NCAPD2: variants seen among roughly 807,000 people sequenced by gnomAD.
NCAPD2 encodes the protein condensin complex subunit 1.
NCAPD2 carries 100 observed loss-of-function variants against 164.5 expected under a neutral mutation model. The ratio of observed to expected loss-of-function variants is 0.61; its 90% confidence interval spans 0.52 to 0.72. NCAPD2 has a LOEUF of 0.72. Among genes scored for constraint, NCAPD2 ranks in the 30% least tolerant of loss-of-function variants. The pLI is 0.00. For synonymous variants in NCAPD2, 585 were observed against 642.6 expected, an observed-to-expected ratio of 0.91 and a Z score of 1.36; for missense variants, 1,560 against 1,749.2, an observed-to-expected ratio of 0.89 and a Z score of 1.93.
At chr12:6,519,834 C>T (rs1262529263) in intron 13 of NCAPD2, among the ~76,000 whole-genome samples, 1 of 151,294 alleles carries the variant, frequency 6.6e-6, no homozygotes, top group African/African-American at 2.4e-5. Context: ...CTCCGCTACA[C>T]TCTACCCTGG....
chr12:6,509,402 C>G (rs1048089219), intron 2 of NCAPD2, among the ~76,000 whole-genome samples: 1 of 152,156 alleles, frequency 6.6e-6, no homozygotes, highest in African/African-American at 2.4e-5. Flanking sequence ...GCTGGGATTA[C>G]AGGCGCCTGC....
At position 6,531,693 on chromosome 12, in the gene NCAPD2, T is replaced by G. The variant is rs1303961783; in HGVS notation, c.*281T>G. On this transcript the variant is annotated 3_prime_UTR_variant, in exon 32 of 32. Transcript: ENST00000315579. This position sits in a 1 kb window ranked among gnomAD's most constrained non-coding sequence, Gnocchi z 4.1. ...ATTGGCGTGCGCCTGTAATCCCAGC[T>G]ACTCAAGAGGCTGAGGCAGGAGAAT... 1 of 422,684 alleles carries G rather than the reference T, an allele frequency of 2.4e-6. No individual in the cohort carries two copies. Among genetic ancestry groups the G allele is most frequent in the African/African-American group, 2.0e-5 (1 of 48,786 alleles). 26.2% of individuals were successfully genotyped at this position (422,684 alleles called of 1,614,324 possible).
At chr12:6,494,982 C>G in intron 1 of NCAPD2, 94 bp from the exon 2 acceptor site, 2 of 1,282,670 alleles carry the variant, frequency 1.6e-6, no homozygotes, top group East Asian at 2.4e-5. Flanking sequence ...AAACTAAAAG[C>G]CATTATATAT....
Position 6,517,866 on chromosome 12 carries a change from G to A in NCAPD2, c.1496G>A (p.Gly499Glu). 6.2e-7 allele frequency: 1 copy of A among 1,614,186 alleles called. No individual in the cohort carries two copies. The highest frequency in any genetic ancestry group is 8.5e-7 in the Non-Finnish European group (1 of 1,180,036). The change falls in exon 13 of 32, where the codon GGA becomes GAA. Residue 499 changes from glycine (G) to glutamate (E), a missense_variant. By Grantham distance (98) the Gly-to-Glu change is moderately conservative. Coordinates refer to ENST00000315579, the MANE Select transcript of NCAPD2 (RefSeq NM_014865.4). ...CAGCAGCTTCTACAGCTTCCCCAGG[G>A]AGAGGAGGAGATTCCTGAGCAAATT... ...TLQQLLQLPQGEEEIPEQIAN... is the reference protein window; with the variant it reads ...TLQQLLQLPQEEEEIPEQIAN...
At chr12:6,496,950 T>C (rs1167239377) in intron 2 of NCAPD2, among the ~76,000 whole-genome samples, 1 of 152,204 alleles carries the variant, frequency 6.6e-6, no homozygotes, top group Non-Finnish European at 1.5e-5. Context: ...ATTTTTCAGC[T>C]GTATTATATT....
In NCAPD2 at chr12:6,529,867, G is replaced by A; in HGVS notation, c.3746G>A (p.Cys1249Tyr). The change falls in exon 29 of 32, where the codon TGT (cysteine) becomes TAT (tyrosine). Residue 1249 changes from cysteine to tyrosine, a missense_variant. Cys to Tyr is a radical substitution (Grantham distance 194, BLOSUM62 -2). Coordinates refer to ENST00000315579, the MANE Select transcript of NCAPD2 (RefSeq NM_014865.4). Reference protein sequence around the residue: ...GLRKMLDNFDCFGDKLSDESI... With the variant: ...GLRKMLDNFDYFGDKLSDESI... ...CGTAAGATGCTTGACAATTTTGACT[G>A]TTTTGGAGACAAACTGTCAGATGAG... 2 of 1,614,262 alleles carry A rather than the reference G, an allele frequency of 1.2e-6. No individual in the cohort carries two copies. The highest frequency in any genetic ancestry group is 1.1e-5 in the South Asian group (1 of 91,090).
chr12:6,495,052 A>C (rs1945963030), intron 1 of NCAPD2, 24 bp from the exon 2 acceptor site: 1 of 1,611,762 alleles, frequency 6.2e-7, no homozygotes, highest in African/African-American at 1.3e-5. Context: ...ATAGACCCTG[A>C]CTTTTTCACT....
intron 22 of NCAPD2, among the ~76,000 whole-genome samples, chr12:6,527,541 T>A (rs1946328484): frequency 6.6e-6 from 1 of 152,262 alleles, no homozygotes; most frequent in Admixed American, 6.5e-5. Flanking sequence ...TAGGAAACGA[T>A]GTCTTCCATG....
chr12:6,518,504 G>GTTTTTGTGT (rs746627585), intron 13 of NCAPD2, among the ~76,000 whole-genome samples: 1 of 44,774 alleles, frequency 2.2e-5, no homozygotes, highest in Non-Finnish European at 3.9e-5. Context: ...CCGTCAACAA[G>GTTTTTGTGT]TTTTTTTTTT....
chr12:6,517,281 A>C (rs954668609), intron 10 of NCAPD2, 84 bp from the exon 11 acceptor site: 2 of 1,546,658 alleles, frequency 1.3e-6, no homozygotes, highest in Non-Finnish European at 1.7e-6. Context: ...TGGGTAGCTC[A>C]GTTTAGAGTA....
rs759838150 is a variant in NCAPD2, at chr12:6,526,361, A to G, written c.2556A>G (p.Thr852=). Residue 852 remains threonine (T), a synonymous_variant, in exon 20 of 32, where the codon ACA becomes ACG. Transcript: ENST00000315579. ...EHRLFERLRE[T]VTKGFVHPDP... ...GGTTGTTTGAGCGACTGCGGGAGAC[A>G]GTCACAAAAGGTGAGCTCTCAGGGA... The G allele has an allele frequency of 1.5e-5, 24 of 1,614,020 alleles. 1 individual carries two copies. In the South Asian group the frequency reaches 2.4e-4, roughly 16 times the overall value.
chr12:6,509,537 C>G (rs1229317586), intron 2 of NCAPD2, among the ~76,000 whole-genome samples, 180 bp from the exon 3 acceptor site: 1 of 152,178 alleles, frequency 6.6e-6, no homozygotes, highest in Non-Finnish European at 1.5e-5. Flanking sequence ...GCTGGGATTA[C>G]AGGCGTGAGC....
At chr12:6,504,819 A>G (rs1478040708) in intron 2 of NCAPD2, among the ~76,000 whole-genome samples, 1 of 152,214 alleles carries the variant, frequency 6.6e-6, no homozygotes, top group Non-Finnish European at 1.5e-5. Context: ...TATCGACACC[A>G]TAAGTTTACA....
In NCAPD2 at chr12:6,528,422, T is replaced by C; in HGVS notation, c.3299+94T>C. ...AATCACCAGGGCTCTTCCCCTAGGC[T>C]TTGGCATCACCGCGAACATCTGCTT... On this transcript the variant is annotated intron_variant, in intron 25 of 31. Transcript: ENST00000315579. This position sits in a 1 kb window ranked among gnomAD's most constrained non-coding sequence, Gnocchi z 5.1. The C allele has an allele frequency of 6.5e-7, 1 of 1,538,568 alleles. No individual in the cohort carries two copies. Among genetic ancestry groups the C allele is most frequent in the Non-Finnish European group, 8.9e-7 (1 of 1,119,644 alleles).
chr12:6,527,813 G>A lies in NCAPD2; in HGVS notation c.2944G>A (p.Gly982Arg). 2 of 1,613,764 alleles carry A rather than the reference G, an allele frequency of 1.2e-6. No individual in the cohort carries two copies. The highest frequency in any genetic ancestry group is 1.1e-5 in the South Asian group (1 of 91,060). Residue 982 changes from glycine to arginine, a missense_variant, in exon 23 of 32, where the codon GGG (glycine) becomes AGG (arginine). Transcript: ENST00000315579. ...TGAGACCACCATGGAGGAGGAGCTG[G>A]GGCTGGTTGGGGCAACAGCAGATGA... The part of the protein sequence containing the change: ...SSETTMEEEL[G>R]LVGATADDTE...
rs1325388960 is a variant in NCAPD2, at chr12:6,517,008, C to T, written c.1168C>T (p.Arg390Ter). Residue 390 changes from arginine to a stop codon, truncating the protein, a stop_gained, in exon 10 of 32, where the codon CGA becomes TGA. Transcript: ENST00000315579. LOFTEE classifies it high-confidence loss of function. The stretch of plus-strand genomic sequence containing the variant: ...GAGCCGTGTTTTGCAGCTCTTCACC[C>T]GAATTGTCCAGCAGAAGGTAACCAA... Reference protein sequence around the residue: ...VRSRVLQLFTRIVQQKALPLT... With the variant: ...VRSRVLQLFT 7.4e-6 allele frequency: 12 copies of T among 1,613,952 alleles called. No individual in the cohort carries two copies. The East Asian group carries it at 1.1e-4, about 15-fold the overall frequency.
chr12:6,495,949 A>G (rs960065031), intron 2 of NCAPD2, among the ~76,000 whole-genome samples: 3 of 152,078 alleles, frequency 2.0e-5, no homozygotes, highest in African/African-American at 7.2e-5. Context: ...CTTTGTTATC[A>G]CCTACAAGAA....
At chr12:6,497,224 A>G (rs1447398466) in intron 2 of NCAPD2, among the ~76,000 whole-genome samples, 1 of 152,192 alleles carries the variant, frequency 6.6e-6, no homozygotes, top group South Asian at 2.1e-4. Flanking sequence ...ATGTGTCACC[A>G]ATTGAACATG....
rs1565541527 is a variant in NCAPD2 at position 6,510,777 on chromosome 12, G to T, written c.411G>T (p.Gln137His). 4.3e-6 allele frequency: 7 copies of T among 1,614,154 alleles called. No homozygotes were observed. The highest frequency in any genetic ancestry group is 5.9e-6 in the Non-Finnish European group (7 of 1,180,032). The change falls in exon 5 of 32, where the codon CAG (glutamine) becomes CAT (histidine). Residue 137 changes from glutamine (Q) to histidine (H), a missense_variant. Gln to His is a conservative substitution (Grantham distance 24). Transcript: ENST00000315579. ...AATCCTTTGAGACCATGGCCAGCCA[G>T]ACAAACCTTGTGGACCTGGACCTTG... ...LLESFETMAS[Q>H]TNLVDLDLGG...
Sources: gnomAD v4.1 joint callset for allele counts (sites outside exome capture counted in the v4.1 genomes callset) on GRCh38, gnomAD v4.1.1 for gene constraint, Gnocchi (gnomAD v3.1) non-coding constraint, MANE v1.5 for transcripts, NCBI Gene and HGNC (gene_info 2026-07-23, HGNC 2026-07-21) for gene names.